Variants in KYNU observed in about 807,000 individuals in gnomAD.
The protein encoded by KYNU is kynureninase, also known as L-kynurenine hydrolase.
KYNU carries 54 observed loss-of-function variants against 59.2 expected under a neutral mutation model. That is an observed-to-expected ratio of 0.91 (90% confidence interval 0.73 to 1.14). The LOEUF (loss-of-function observed/expected upper bound fraction) is 1.14. KYNU is among the 50% of genes most tolerant of loss of function. The pLI is 0.00. For synonymous variants in KYNU, 177 were observed against 192.0 expected, an observed-to-expected ratio of 0.92 and a Z score of 0.65; for missense variants, 567 against 554.4, an observed-to-expected ratio of 1.02 and a Z score of -0.23.
chr2:142,965,791 T>C (rs1262072501), intron 8 of KYNU, among the ~76,000 whole-genome samples: 1 of 152,172 alleles, frequency 6.6e-6, no homozygotes, highest in Non-Finnish European at 1.5e-5. Context: ...AGGAAGGGGT[T>C]GGGAATGGGC....
At chr2:143,019,090 T>A (rs1237257956) in intron 10 of KYNU, among the ~76,000 whole-genome samples, 1 of 152,160 alleles carries the variant, frequency 6.6e-6, no homozygotes. Context: ...AGAGAGATAA[T>A]TTAACTTCTT....
At chr2:142,922,233 G>T (rs1445379273) in intron 3 of KYNU, among the ~76,000 whole-genome samples, 6 of 152,192 alleles carry the variant, frequency 3.9e-5, no homozygotes, top group Non-Finnish European at 7.3e-5. Flanking sequence ...AGGCGTGGTG[G>T]TTCAAGGCTG....
At chr2:143,018,849 G>C (rs2105214801) in intron 10 of KYNU, among the ~76,000 whole-genome samples, 2 of 152,034 alleles carry the variant, frequency 1.3e-5, no homozygotes, top group South Asian at 4.2e-4. Context: ...TTCACTTCTT[G>C]GTTAGATGTA....
intron 3 of KYNU, among the ~76,000 whole-genome samples, chr2:142,925,987 T>C (rs975298984): frequency 1.3e-5 from 2 of 152,162 alleles, no homozygotes; most frequent in African/African-American, 4.8e-5. Flanking sequence ...TCTGGAGACA[T>C]GGATGATGCT....
rs140155446 is a variant in KYNU at position 143,030,635 on chromosome 2, T to C, written c.955+956T>C. Among the ~76,000 whole-genome samples the C allele has an allele frequency of 4.6e-5, 7 of 151,894 alleles. No individual in the cohort carries two copies. In the East Asian group the frequency reaches 9.7e-4, roughly 21 times the overall value. Reference sequence around the variant, plus strand: ...GACTAGAGGTGTGCACCACCATGACTGGATGATGATGATGATGCTGATTAT... The same window carrying C: ...GACTAGAGGTGTGCACCACCATGACCGGATGATGATGATGATGCTGATTAT... On this transcript the variant is annotated intron_variant, in intron 11 of 13. Coordinates refer to ENST00000264170, the MANE Select transcript of KYNU (RefSeq NM_003937.3).
At chr2:143,034,327 TATG>T (rs1038909229) in intron 12 of KYNU, among the ~76,000 whole-genome samples, 2 of 152,184 alleles carry the variant, frequency 1.3e-5, no homozygotes, top group African/African-American at 4.8e-5. Context: ...TCATGTAGTT[TATG>T]ATATTTTGGC....
chr2:142,960,583 T>C, intron 7 of KYNU, 41 bp from the exon 8 acceptor site: 1 of 1,566,706 alleles, frequency 6.4e-7, no homozygotes, highest in Non-Finnish European at 8.8e-7. Context: ...TACAAATTTA[T>C]TATTATCGAT....
chr2:142,963,046 C>T (rs1352143307), intron 8 of KYNU, among the ~76,000 whole-genome samples: 1 of 152,084 alleles, frequency 6.6e-6, no homozygotes, highest in Non-Finnish European at 1.5e-5. Flanking sequence ...GGTGGGAATA[C>T]AAAATGATGG....
intron 2 of KYNU, among the ~76,000 whole-genome samples, chr2:142,893,619 A>G (rs1054138697): frequency 1.3e-5 from 2 of 152,116 alleles, no homozygotes; most frequent in African/African-American, 4.8e-5. Flanking sequence ...TTTTTCAAGC[A>G]AGGTGGGGGC....
At chr2:142,949,024 C>T (rs1354323022) in intron 4 of KYNU, among the ~76,000 whole-genome samples, 2 of 152,218 alleles carry the variant, frequency 1.3e-5, no homozygotes, top group African/African-American at 4.8e-5. Flanking sequence ...AACAAAGGGG[C>T]TACAGGCCCC....
intron 10 of KYNU, among the ~76,000 whole-genome samples, chr2:142,991,968 C>G (rs1002799297): frequency 2.6e-5 from 4 of 151,928 alleles, no homozygotes; most frequent in African/African-American, 9.7e-5. Flanking sequence ...TTAGTCCTTA[C>G]CTGAACATCA....
At chr2:142,883,703 G>A (rs1681388933) in intron 1 of KYNU, among the ~76,000 whole-genome samples, 1 of 152,148 alleles carries the variant, frequency 6.6e-6, no homozygotes, top group African/African-American at 2.4e-5. Context: ...TTTCTCAGAA[G>A]GATGAACATG....
chr2:142,898,753 G>A (rs1217527991), intron 2 of KYNU, among the ~76,000 whole-genome samples: 1 of 152,180 alleles, frequency 6.6e-6, no homozygotes. Context: ...CAAGCCTTTT[G>A]TTCTCTGACC....
intron 8 of KYNU, among the ~76,000 whole-genome samples, chr2:142,978,191 C>T (rs143704059): frequency 4.6e-5 from 7 of 152,250 alleles, no homozygotes; most frequent in African/African-American, 1.7e-4. Flanking sequence ...ATCATTTATT[C>T]CTACCCTCTA....
At chr2:143,034,660 T>C (rs916162028) in intron 12 of KYNU, among the ~76,000 whole-genome samples, 3 of 152,238 alleles carry the variant, frequency 2.0e-5, no homozygotes, top group South Asian at 4.1e-4. Context: ...GCCAGTGATA[T>C]ATATTTTTGA....
At chr2:142,935,348 A>G (rs1683352908) in intron 4 of KYNU, among the ~76,000 whole-genome samples, 1 of 152,166 alleles carries the variant, frequency 6.6e-6, no homozygotes, top group Admixed American at 6.5e-5. Context: ...CTGCAAGGAG[A>G]CACACAATCA....
At chr2:142,883,882 A>G (rs1365347947) in intron 1 of KYNU, among the ~76,000 whole-genome samples, 2 of 152,218 alleles carry the variant, frequency 1.3e-5, no homozygotes, top group African/African-American at 4.8e-5. Flanking sequence ...TCCTGCCATT[A>G]CTGGGAGTCA....
chr2:142,930,381 G>A (rs1239939206), intron 4 of KYNU, among the ~76,000 whole-genome samples: 10 of 152,180 alleles, frequency 6.6e-5, no homozygotes, highest in Admixed American at 6.5e-4. Flanking sequence ...CCCCATTTCA[G>A]GAGATGACTA....
At chr2:142,983,789 G>A (rs1160502132) in intron 8 of KYNU, among the ~76,000 whole-genome samples, 1 of 151,954 alleles carries the variant, frequency 6.6e-6, no homozygotes, top group Non-Finnish European at 1.5e-5. Flanking sequence ...ATTAACATAA[G>A]CAAAATATTG....
Sources: gnomAD v4.1 joint callset for allele counts (sites outside exome capture counted in the v4.1 genomes callset) on GRCh38, gnomAD v4.1.1 for gene constraint, MANE v1.5 for transcripts, NCBI Gene and HGNC (gene_info 2026-07-23, HGNC 2026-07-21) for gene names.